Variants in NUDCD1 observed in about 807,000 individuals in gnomAD.
NUDCD1 encodes nudC domain-containing protein 1.
A neutral mutation model predicts 67.8 loss-of-function variants in NUDCD1; 60 were observed. The observed-to-expected ratio is 0.88, with a 90% CI of 0.72 to 1.10. The LOEUF is 1.10. NUDCD1 is among the 50% of genes least tolerant of loss of function. The pLI, the probability that NUDCD1 is intolerant of heterozygous loss-of-function variation, is 0.00. For synonymous variants in NUDCD1, 244 were observed against 230.8 expected (o/e 1.06, Z -0.52); for missense variants, 643 against 695.0 (o/e 0.93, Z 0.84).
chr8:109,267,984 CT>C (rs1365807437), intron 8 of NUDCD1, among the ~76,000 whole-genome samples: 1 of 152,154 alleles, frequency 6.6e-6, no homozygotes, highest in Non-Finnish European at 1.5e-5. Context: ...CCCGAGAGAT[CT>C]AGTTTCTACT....
intron 1 of NUDCD1, among the ~76,000 whole-genome samples, chr8:109,332,935 G>T (rs998661195): frequency 6.6e-6 from 1 of 152,016 alleles, no homozygotes; most frequent in East Asian, 1.9e-4. Context: ...TACTACCATT[G>T]TATTTTGTAC....
intron 8 of NUDCD1, among the ~76,000 whole-genome samples, chr8:109,254,686 A>G (rs972200941): frequency 6.6e-6 from 1 of 152,102 alleles, no homozygotes; most frequent in African/African-American, 2.4e-5. Context: ...TCAAATAGTC[A>G]ATTAATTGTC....
intron 2 of NUDCD1, among the ~76,000 whole-genome samples, chr8:109,304,935 A>C (rs1381963596): frequency 6.6e-6 from 1 of 152,176 alleles, no homozygotes; most frequent in Non-Finnish European, 1.5e-5. Context: ...TGGACCAAGG[A>C]AAATATCTCC....
chr8:109,332,521 C>T (rs1205200978), intron 1 of NUDCD1, among the ~76,000 whole-genome samples: 2 of 152,084 alleles, frequency 1.3e-5, no homozygotes, highest in Admixed American at 6.5e-5. Flanking sequence ...GAGACCCTAC[C>T]CCCACCCTCC....
intron 2 of NUDCD1, among the ~76,000 whole-genome samples, chr8:109,298,237 T>C (rs2130050920): frequency 6.6e-6 from 1 of 152,274 alleles, no homozygotes; most frequent in East Asian, 1.9e-4. Context: ...AAGTAGCCTA[T>C]TAGTAGTAAA....
At chr8:109,309,807 A>C (rs1387483536) in intron 2 of NUDCD1, among the ~76,000 whole-genome samples, 1 of 151,858 alleles carries the variant, frequency 6.6e-6, no homozygotes, top group Non-Finnish European at 1.5e-5. Context: ...TCTTCTACAT[A>C]CCAACAGCCA....
chr8:109,326,387 A>G (rs1262936829), intron 1 of NUDCD1, among the ~76,000 whole-genome samples: 2 of 152,204 alleles, frequency 1.3e-5, no homozygotes, highest in African/African-American at 2.4e-5. Context: ...CTTGATTATA[A>G]AAGTGGGAGG....
intron 2 of NUDCD1, among the ~76,000 whole-genome samples, chr8:109,302,995 C>A (rs936691392): frequency 2.6e-5 from 4 of 152,218 alleles, no homozygotes; most frequent in African/African-American, 9.7e-5. Context: ...AAACCCCAGC[C>A]ACATTTCCAG....
chr8:109,259,045 A>G (rs748228193), intron 8 of NUDCD1, among the ~76,000 whole-genome samples: 7 of 152,208 alleles, frequency 4.6e-5, no homozygotes, highest in Non-Finnish European at 8.8e-5. Flanking sequence ...CAATTTTCCT[A>G]AATACTCACA....
intron 2 of NUDCD1, among the ~76,000 whole-genome samples, chr8:109,301,295 TAAG>T (rs1207755937): frequency 6.6e-6 from 1 of 152,184 alleles, no homozygotes; most frequent in African/African-American, 2.4e-5. Context: ...CCCCCGCCCT[TAAG>T]AAGGTACTTT....
In NUDCD1 at chr8:109,293,465, T is replaced by C. The variant is rs776214941; in HGVS notation, c.519A>G (p.Leu173=). Residue 173 remains leucine (L), a synonymous_variant, in exon 4 of 10, where the codon CTA becomes CTG. Coordinates refer to ENST00000239690, the MANE Select transcript of NUDCD1 (RefSeq NM_032869.4). ...PFIIIHSISL[L]NAEEHSIATL... ...TAGCTATAGAATGTTCTTCAGCATT[T>C]AGCAGTGAGATACTGTGAATTATAA... 1.3e-6 allele frequency: 2 copies of C among 1,589,908 alleles called. No homozygotes were observed. The highest frequency in any genetic ancestry group is 2.3e-5 in the South Asian group (2 of 87,778).
At chr8:109,282,854 AG>A (rs1479715750) in intron 5 of NUDCD1, among the ~76,000 whole-genome samples, 1 of 151,894 alleles carries the variant, frequency 6.6e-6, no homozygotes, top group East Asian at 1.9e-4. Flanking sequence ...AAAAAAAAAA[AG>A]AAACCAGTGC....
chr8:109,275,623 CA>C (rs1814268129), intron 6 of NUDCD1, 127 bp from the exon 7 acceptor site: 2 of 795,090 alleles, frequency 2.5e-6, no homozygotes, highest in South Asian at 4.2e-5. Context: ...GATGGTTTAC[CA>C]AAAATCTTGC....
intron 5 of NUDCD1, among the ~76,000 whole-genome samples, chr8:109,281,620 G>T (rs992298695): frequency 6.6e-6 from 1 of 152,202 alleles, no homozygotes; most frequent in Non-Finnish European, 1.5e-5. Context: ...ATGGGAATGG[G>T]AGGATGTGCA....
At chr8:109,333,705 CG>C (rs1403326595) in intron 1 of NUDCD1, among the ~76,000 whole-genome samples, 187 bp downstream of exon 1, 1 of 152,064 alleles carries the variant, frequency 6.6e-6, no homozygotes, top group East Asian at 1.9e-4. Context: ...GAAGAGCGCG[CG>C]AAGGCGGCTC....
At chr8:109,266,495 C>T (rs757029326) in intron 8 of NUDCD1, among the ~76,000 whole-genome samples, 43 of 151,054 alleles carry the variant, frequency 2.8e-4, no homozygotes, top group Non-Finnish European at 2.4e-4. Context: ...CCGCCCACCT[C>T]GGCCTCCCAA....
chr8:109,332,677 T>C (rs923319119), intron 1 of NUDCD1, among the ~76,000 whole-genome samples: 11 of 152,196 alleles, frequency 7.2e-5, no homozygotes, highest in African/African-American at 2.2e-4. Flanking sequence ...GCTTCTTGTT[T>C]TGAGACACTG....
chr8:109,279,442 T>C (rs565970838), intron 6 of NUDCD1, among the ~76,000 whole-genome samples: 24 of 152,278 alleles, frequency 1.6e-4, no homozygotes, highest in South Asian at 1.0e-3. Flanking sequence ...ATTTAAAAAA[T>C]TGGCTTATTA....
chr8:109,280,936 T>C (rs1222200001), intron 6 of NUDCD1, 32 bp downstream of exon 6: 2 of 1,032,430 alleles, frequency 1.9e-6, no homozygotes, highest in South Asian at 1.7e-5. Context: ...AAAAAGATAA[T>C]AGAATATTAA....
Sources: gnomAD v4.1 joint callset for allele counts (sites outside exome capture counted in the v4.1 genomes callset) on GRCh38, gnomAD v4.1.1 for gene constraint, MANE v1.5 for transcripts, NCBI Gene and HGNC (gene_info 2026-07-23, HGNC 2026-07-21) for gene names.